The following ADAMTS3 variants were observed in gnomAD, a reference collection of about 807,000 sequenced individuals.
ADAMTS3 encodes the protein A disintegrin and metalloproteinase with thrombospondin motifs 3.
Under a neutral mutation model 129.0 loss-of-function variants are expected in ADAMTS3, and 73 were observed. The observed-to-expected ratio is 0.57, with a 90% CI of 0.47 to 0.69. ADAMTS3 has a LOEUF of 0.69. Among genes scored for constraint, ADAMTS3 ranks in the 30% least tolerant of loss-of-function variants. The probability of loss-of-function intolerance (pLI) is 0.00; values close to 1 mark genes in which losing one functional copy is unlikely to be tolerated. For missense variants in ADAMTS3, 1,457 were observed against 1,514.5 expected (o/e 0.96, Z 0.63); for synonymous variants, 477 against 510.8 (o/e 0.93, Z 0.89).
chr4:72,473,322 G>C (rs1359649025), intron 3 of ADAMTS3, among the ~76,000 whole-genome samples: 2 of 151,846 alleles, frequency 1.3e-5, no homozygotes, highest in Non-Finnish European at 2.9e-5. Flanking sequence ...TGACATGCTG[G>C]GTTTTCTTTT....
At chr4:72,488,103 T>C (rs559107397) in intron 3 of ADAMTS3, among the ~76,000 whole-genome samples, 1 of 152,162 alleles carries the variant, frequency 6.6e-6, no homozygotes, top group East Asian at 1.9e-4. Context: ...TTTAACTTAG[T>C]GATTAGGAGT....
At chr4:72,383,937 G>A (rs987500044) in intron 4 of ADAMTS3, among the ~76,000 whole-genome samples, 20 of 151,674 alleles carry the variant, frequency 1.3e-4, no homozygotes, top group African/African-American at 4.1e-4. Flanking sequence ...TACTTATAAC[G>A]AATGAGCAAG....
chr4:72,368,727 T>A (rs1358284167), intron 4 of ADAMTS3, among the ~76,000 whole-genome samples: 1 of 152,160 alleles, frequency 6.6e-6, no homozygotes, highest in Non-Finnish European at 1.5e-5. Flanking sequence ...TAGAAACACA[T>A]GTTTTAATTC....
At chr4:72,445,423 T>C (rs1000009041) in intron 3 of ADAMTS3, among the ~76,000 whole-genome samples, 1 of 151,840 alleles carries the variant, frequency 6.6e-6, no homozygotes, top group Middle Eastern at 3.4e-3. Flanking sequence ...AAATAATCTA[T>C]GGCAAAGTTT....
intron 10 of ADAMTS3, among the ~76,000 whole-genome samples, chr4:72,316,383 G>C (rs754926681): frequency 6.6e-6 from 1 of 152,092 alleles, no homozygotes; most frequent in Non-Finnish European, 1.5e-5. Context: ...CAGATAGATA[G>C]TTGAATATAA....
intron 4 of ADAMTS3, among the ~76,000 whole-genome samples, chr4:72,367,103 G>A (rs1004981203): frequency 6.6e-6 from 1 of 152,080 alleles, no homozygotes; most frequent in African/African-American, 2.4e-5. Flanking sequence ...AGCAAATTCT[G>A]ATATTTTCAG....
intron 4 of ADAMTS3, among the ~76,000 whole-genome samples, chr4:72,368,575 T>A (rs1235022149): frequency 6.6e-6 from 1 of 152,198 alleles, no homozygotes; most frequent in African/African-American, 2.4e-5. Flanking sequence ...TTTTGAAGAA[T>A]ACAGGTATGC....
At chr4:72,488,143 C>A (rs1057014713) in intron 3 of ADAMTS3, among the ~76,000 whole-genome samples, 1 of 151,878 alleles carries the variant, frequency 6.6e-6, no homozygotes, top group Non-Finnish European at 1.5e-5. Context: ...GAGTTGCAAA[C>A]GTGGCAATGT....
chr4:72,291,536 T>G (rs547163175), intron 19 of ADAMTS3, among the ~76,000 whole-genome samples: 3 of 151,872 alleles, frequency 2.0e-5, no homozygotes, highest in East Asian at 1.9e-4. Context: ...TTACTGAGAA[T>G]GATGATTTCC....
intron 3 of ADAMTS3, among the ~76,000 whole-genome samples, chr4:72,540,267 C>T (rs1462199758): frequency 1.3e-5 from 2 of 152,106 alleles, no homozygotes; most frequent in Non-Finnish European, 2.9e-5. Flanking sequence ...CAGCATTTTG[C>T]CCCTGCCTTA....
rs187118464 is a variant in ADAMTS3, at chr4:72,480,641, C to G, written c.505-65670G>C. ...AGCACACCAGCATGGCACATGTATACATATGTAACTAACCTGCACATTGTG... is the reference window on the plus strand; with the variant it reads ...AGCACACCAGCATGGCACATGTATAGATATGTAACTAACCTGCACATTGTG... On this transcript the variant is annotated intron_variant, in intron 3 of 21. Transcript: ENST00000286657. Among the ~76,000 whole-genome samples, 60 of 151,260 alleles carry G rather than the reference C, an allele frequency of 4.0e-4. 1 individual carries two copies. The highest frequency in any genetic ancestry group is 1.4e-3 in the African/African-American group (59 of 41,176).
intron 4 of ADAMTS3, among the ~76,000 whole-genome samples, chr4:72,371,333 A>AT (rs1720999943): frequency 6.6e-6 from 1 of 152,136 alleles, no homozygotes; most frequent in Admixed American, 6.5e-5. Flanking sequence ...GCTGCATAAG[A>AT]AGGTTAAAAT....
At chr4:72,369,618 C>A (rs754494509) in intron 4 of ADAMTS3, among the ~76,000 whole-genome samples, 1 of 151,374 alleles carries the variant, frequency 6.6e-6, no homozygotes, top group Admixed American at 6.6e-5. Context: ...GGCTGAGGCA[C>A]GAGAATTGTT....
intron 21 of ADAMTS3, among the ~76,000 whole-genome samples, chr4:72,284,518 T>C (rs1324919176): frequency 1.3e-5 from 2 of 152,176 alleles, no homozygotes; most frequent in South Asian, 2.1e-4. Flanking sequence ...TCAGATTATT[T>C]GTTATTTGAA....
intron 2 of ADAMTS3, among the ~76,000 whole-genome samples, chr4:72,549,624 C>A (rs1721557729): frequency 2.0e-5 from 3 of 151,972 alleles, no homozygotes; most frequent in Non-Finnish European, 4.4e-5. Context: ...ACATAATAAT[C>A]TTTAAATCAA....
At chr4:72,490,921 A>G (rs552288455) in intron 3 of ADAMTS3, among the ~76,000 whole-genome samples, 2 of 152,014 alleles carry the variant, frequency 1.3e-5, no homozygotes, top group South Asian at 2.1e-4. Context: ...AACTTTGGTT[A>G]GTAACATTTT....
At chr4:72,294,063 A>C (rs958561262) in intron 19 of ADAMTS3, among the ~76,000 whole-genome samples, 6 of 152,132 alleles carry the variant, frequency 3.9e-5, no homozygotes, top group African/African-American at 1.4e-4. Flanking sequence ...CAAAACAAAA[A>C]AAATACAAGA....
intron 3 of ADAMTS3, among the ~76,000 whole-genome samples, chr4:72,503,965 C>G (rs1284981239): frequency 6.6e-6 from 1 of 151,926 alleles, no homozygotes; most frequent in Non-Finnish European, 1.5e-5. Flanking sequence ...TTTCTCCAAC[C>G]CTTTATTTTG....
At chr4:72,398,330 G>A (rs1273749071) in intron 4 of ADAMTS3, among the ~76,000 whole-genome samples, 1 of 152,162 alleles carries the variant, frequency 6.6e-6, no homozygotes, top group Non-Finnish European at 1.5e-5. Context: ...GCCAAGGCAG[G>A]TGGATCACCT....
Sources: allele counts gnomAD v4.1 joint callset (sites outside exome capture counted in the v4.1 genomes callset), GRCh38; gene constraint gnomAD v4.1.1; transcripts MANE v1.5; gene names NCBI Gene and HGNC (gene_info 2026-07-23, HGNC 2026-07-21).